Variants in RBFOX1 observed in about 807,000 individuals in gnomAD.
RBFOX1 encodes the protein RNA binding fox-1 homolog 1, also known as RNA binding protein fox-1 homolog 1.
Under a neutral mutation model 57.7 loss-of-function variants are expected in RBFOX1, and 8 were observed. The observed-to-expected ratio is 0.14, with a 90% confidence interval of 0.08 to 0.25. RBFOX1 has a LOEUF of 0.25. Ranked by LOEUF, RBFOX1 falls within the 10% of genes least tolerant of loss-of-function variation. RBFOX1 has a pLI of 1.00. For missense variants in RBFOX1, 611 were observed against 548.5 expected (o/e 1.11, Z -1.14); for synonymous variants, 326 against 222.4 (o/e 1.47, Z -4.15).
chr16:7,374,821 T>C (rs772128221), intron 4 of RBFOX1, among the ~76,000 whole-genome samples: 1 of 152,194 alleles, frequency 6.6e-6, no homozygotes, highest in Non-Finnish European at 1.5e-5. Flanking sequence ...GGCCACCTTA[T>C]CTCAAACAAC....
At chr16:7,060,979 G>C (rs1372361277) in intron 4 of RBFOX1, among the ~76,000 whole-genome samples, 4 of 152,102 alleles carry the variant, frequency 2.6e-5, no homozygotes, top group Admixed American at 1.3e-4. Flanking sequence ...TCAGGATTCA[G>C]GCCTGAGATC....
chr16:7,080,250 G>T (rs2058985335), intron 4 of RBFOX1, among the ~76,000 whole-genome samples: 1 of 152,048 alleles, frequency 6.6e-6, no homozygotes, highest in Admixed American at 6.6e-5. Flanking sequence ...CATGCAGCGT[G>T]GACAGGCAAT....
intron 3 of RBFOX1, among the ~76,000 whole-genome samples, chr16:6,931,607 A>G (rs1038791895): frequency 1.3e-5 from 2 of 152,052 alleles, no homozygotes; most frequent in Admixed American, 1.3e-4. Flanking sequence ...CCACCCCACA[A>G]CCACCACAAT....
chr16:6,903,546 G>A (rs985376773), intron 3 of RBFOX1, among the ~76,000 whole-genome samples: 5 of 152,162 alleles, frequency 3.3e-5, no homozygotes, highest in East Asian at 3.9e-4. Flanking sequence ...ATGTGAGCTC[G>A]GAGTGAGTTC....
At chr16:5,443,094 G>T (rs542660000) in intron 1 of RBFOX1, among the ~76,000 whole-genome samples, 2 of 152,278 alleles carry the variant, frequency 1.3e-5, no homozygotes, top group South Asian at 4.1e-4. Context: ...AGGGTAGCCT[G>T]CTGACACCTT....
At chr16:6,916,725 C>G (rs541048849) in intron 3 of RBFOX1, among the ~76,000 whole-genome samples, 1 of 152,202 alleles carries the variant, frequency 6.6e-6, no homozygotes, top group African/African-American at 2.4e-5. Context: ...AAAACTCTTG[C>G]ATAAGCTCGG....
chr16:7,583,822 A>G (rs557999393), intron 6 of RBFOX1, among the ~76,000 whole-genome samples: 2 of 152,218 alleles, frequency 1.3e-5, no homozygotes, highest in East Asian at 1.9e-4. Flanking sequence ...TTCTACAACA[A>G]TAAAATCAAA....
chr16:7,184,441 C>G (rs759841469), intron 4 of RBFOX1, among the ~76,000 whole-genome samples: 1 of 152,198 alleles, frequency 6.6e-6, no homozygotes, highest in African/African-American at 2.4e-5. Context: ...CACCTCATGA[C>G]CCAGGGTGTC....
chr16:6,509,847 A>G (rs1010006094), intron 2 of RBFOX1, among the ~76,000 whole-genome samples: 1 of 152,198 alleles, frequency 6.6e-6, no homozygotes, highest in African/African-American at 2.4e-5. Flanking sequence ...AAAATATAAA[A>G]TTTTCAAAAT....
Position 6,610,637 on chromosome 16 carries a change from C to T in RBFOX1, c.-63-43966C>T, listed in dbSNP as rs2098033113. On this transcript the variant is annotated intron_variant, in intron 2 of 15. Transcript: ENST00000550418. ...AAACTACTACACCCCACCCGATCAA[C>T]ATTATCCTGATTATACATTAACTCA... 3.3e-5 allele frequency among the ~76,000 whole-genome samples: 5 copies of T among 152,246 alleles called. No individual in the cohort carries two copies. In the South Asian group the frequency reaches 1.0e-3, roughly 32 times the overall value.
intron 3 of RBFOX1, among the ~76,000 whole-genome samples, chr16:6,692,472 C>A (rs1472587431): frequency 6.6e-6 from 1 of 152,180 alleles, no homozygotes; most frequent in Admixed American, 6.5e-5. Flanking sequence ...TGTTTAACTA[C>A]TTTCCGTGAC....
chr16:7,673,018 C>T (rs1223412554), intron 13 of RBFOX1, among the ~76,000 whole-genome samples: 1 of 151,814 alleles, frequency 6.6e-6, no homozygotes, highest in South Asian at 2.1e-4. Context: ...TGAGACTTGA[C>T]CCTTGCATAT....
At chr16:5,983,927 C>CCCTCCT (rs1309784209) in intron 4 of RBFOX1, among the ~76,000 whole-genome samples, 1 of 143,200 alleles carries the variant, frequency 7.0e-6, no homozygotes, top group African/African-American at 2.6e-5. Flanking sequence ...CTCCTCCTCC[C>CCCTCCT]CCTCCTCCTC....
At chr16:7,064,714 T>G (rs1185407933) in intron 4 of RBFOX1, among the ~76,000 whole-genome samples, 1 of 152,124 alleles carries the variant, frequency 6.6e-6, no homozygotes, top group Non-Finnish European at 1.5e-5. Context: ...CATCTAAACC[T>G]CGTGAGAATC....
At chr16:6,150,204 G>T (rs941354541) in intron 1 of RBFOX1, among the ~76,000 whole-genome samples, 1 of 152,140 alleles carries the variant, frequency 6.6e-6, no homozygotes, top group Non-Finnish European at 1.5e-5. Flanking sequence ...GACCAGAGAG[G>T]GTTGAAGAGA....
intron 3 of RBFOX1, among the ~76,000 whole-genome samples, chr16:7,039,294 G>A (rs188190342): frequency 3.3e-5 from 5 of 152,094 alleles, no homozygotes; most frequent in South Asian, 2.1e-4. Context: ...AAGCTCTTTC[G>A]TCCGTCTCCC....
intron 2 of RBFOX1, among the ~76,000 whole-genome samples, chr16:6,569,435 T>G (rs1286358702): frequency 6.6e-6 from 1 of 152,170 alleles, no homozygotes; most frequent in Non-Finnish European, 1.5e-5. Context: ...TGACTTTTAT[T>G]CTTTGGATTA....
At chr16:6,967,053 A>G (rs1232309101) in intron 3 of RBFOX1, among the ~76,000 whole-genome samples, 2 of 151,998 alleles carry the variant, frequency 1.3e-5, no homozygotes, top group African/African-American at 4.8e-5. Flanking sequence ...TCCACCCTCC[A>G]TCTATCCATA....
At chr16:6,078,635 C>G (rs909961898) in intron 1 of RBFOX1, among the ~76,000 whole-genome samples, 5 of 151,824 alleles carry the variant, frequency 3.3e-5, no homozygotes, top group East Asian at 1.9e-4. Flanking sequence ...ATTTTTACCT[C>G]TCTCATAAGA....
Sources: gnomAD v4.1 joint callset for allele counts (sites outside exome capture counted in the v4.1 genomes callset) on GRCh38, gnomAD v4.1.1 for gene constraint, MANE v1.5 for transcripts, NCBI Gene and HGNC (gene_info 2026-07-23, HGNC 2026-07-21) for gene names.